Variants in JAZF1 observed in about 807,000 individuals in gnomAD.
JAZF1 encodes the protein JAZF zinc finger 1.
JAZF1 carries 8 observed loss-of-function variants against 26.4 expected under a neutral mutation model. That is an observed-to-expected ratio of 0.30 (90% CI 0.18 to 0.55). The LOEUF (loss-of-function observed/expected upper bound fraction) is 0.55. JAZF1 is among the 20% of genes least tolerant of loss of function. The probability of loss-of-function intolerance (pLI) is 0.94; values close to 1 mark genes in which losing one functional copy is unlikely to be tolerated. For missense variants in JAZF1, 199 were observed against 322.0 expected, an observed-to-expected ratio of 0.62 and a Z score of 2.92; for synonymous variants, 126 against 122.3, an observed-to-expected ratio of 1.03 and a Z score of -0.20.
In JAZF1 at chr7:28,120,501, C is replaced by CTTTTTTTTTTT. The variant is rs58448766; in HGVS notation, c.115+59951_115+59961dup. Among the ~76,000 whole-genome samples the CTTTTTTTTTTT allele has an allele frequency of 2.2e-4, 13 of 59,014 alleles. 2 individuals carry two copies. Among genetic ancestry groups the CTTTTTTTTTTT allele is most frequent in the South Asian group, 1.0e-3 (1 of 966 alleles). 38.7% of individuals were successfully genotyped at this position (59,014 alleles called of 152,430 possible). A position where few individuals can be genotyped will look rare whatever the true frequency, so the allele number is the denominator to read the frequency against. On this transcript the variant is annotated intron_variant, in intron 1 of 4. Transcript: ENST00000283928. ...TCTGAACCACTAGCCACACACAGTT[C>CTTTTTTTTTTT]TTTTTTTTTTTTTTTTTTTTTTTTT...
In JAZF1 at chr7:28,059,352, T is replaced by C. The variant is rs188799437; in HGVS notation, c.116-67371A>G. On this transcript the variant is annotated intron_variant, in intron 1 of 4. Coordinates refer to ENST00000283928, the MANE Select transcript of JAZF1 (RefSeq NM_175061.4). ...TCTTTGTCTCTTAACTGGAATAATT[T>C]GTCCAGTTGTATTTAATATAATTTA... 3.5e-4 allele frequency among the ~76,000 whole-genome samples: 53 copies of C among 152,324 alleles called. No individual in the cohort carries two copies. The East Asian group carries it at 8.5e-3, about 24-fold the overall frequency.
intron 1 of JAZF1, among the ~76,000 whole-genome samples, chr7:28,025,631 T>C (rs1783082304): frequency 6.6e-6 from 1 of 152,240 alleles, no homozygotes; most frequent in African/African-American, 2.4e-5. Flanking sequence ...AGAAGATTGG[T>C]CAAGAAACCA....
At chr7:28,075,634 T>C (rs2158622) in intron 1 of JAZF1, among the ~76,000 whole-genome samples, 138,967 of 152,244 alleles carry the variant, frequency 0.91, 63,673 homozygotes, top group African/African-American at 0.98. Context: ...TTACTTTACT[T>C]AACAACATAA....
chr7:28,001,447 ATACT>A (rs1475707976), intron 1 of JAZF1, among the ~76,000 whole-genome samples: 1 of 152,256 alleles, frequency 6.6e-6, no homozygotes, highest in Admixed American at 6.5e-5. Flanking sequence ...ATAGAGGAAT[ATACT>A]TACTACTCTA....
chr7:27,956,241 A>AT (rs1334767889), intron 2 of JAZF1, among the ~76,000 whole-genome samples: 22 of 152,108 alleles, frequency 1.4e-4, no homozygotes, highest in Admixed American at 1.4e-3. Context: ...GGCACCTGTG[A>AT]ATGTGCAGCT....
chr7:28,034,688 T>G (rs919078838), intron 1 of JAZF1, among the ~76,000 whole-genome samples: 1 of 152,134 alleles, frequency 6.6e-6, no homozygotes, highest in Non-Finnish European at 1.5e-5. Context: ...CATACCCAGG[T>G]GTATGGCCAA....
At chr7:27,872,780 T>G (rs1783605878) in intron 3 of JAZF1, among the ~76,000 whole-genome samples, 1 of 152,188 alleles carries the variant, frequency 6.6e-6, no homozygotes, top group Non-Finnish European at 1.5e-5. Context: ...GGCTTTCTTC[T>G]TCAGGCTGCT....
chr7:28,072,855 C>T (rs1248812714), intron 1 of JAZF1, among the ~76,000 whole-genome samples: 1 of 152,242 alleles, frequency 6.6e-6, no homozygotes, highest in East Asian at 1.9e-4. Context: ...CTTGCATACA[C>T]CTTTCAGATT....
At chr7:27,879,836 A>C (rs950775616) in intron 3 of JAZF1, among the ~76,000 whole-genome samples, 1 of 152,204 alleles carries the variant, frequency 6.6e-6, no homozygotes, top group Non-Finnish European at 1.5e-5. Context: ...CACTCAGAAC[A>C]CTACAGACAA....
chr7:27,842,294 C>A (rs917054974), intron 3 of JAZF1: 2 of 152,076 alleles, frequency 1.3e-5, no homozygotes, highest in African/African-American at 4.8e-5. Context: ...GCAACTGAGC[C>A]CTCGTGAGGT....
At chr7:28,155,796 C>T (rs977508498) in intron 1 of JAZF1, among the ~76,000 whole-genome samples, 2 of 152,184 alleles carry the variant, frequency 1.3e-5, no homozygotes, top group African/African-American at 2.4e-5. Flanking sequence ...TGTGTGCACG[C>T]GCACATGGGA....
intron 1 of JAZF1, among the ~76,000 whole-genome samples, chr7:28,109,307 C>T (rs555644238): frequency 6.6e-6 from 1 of 152,166 alleles, no homozygotes; most frequent in Non-Finnish European, 1.5e-5. Context: ...TATATCAAAA[C>T]ATCACATTGT....
At chr7:27,953,498 A>G (rs185023824) in intron 2 of JAZF1, among the ~76,000 whole-genome samples, 2 of 152,306 alleles carry the variant, frequency 1.3e-5, no homozygotes, top group East Asian at 1.9e-4. Flanking sequence ...AGCTTAATGC[A>G]AGCTCAGCTT....
At chr7:28,178,510 T>G (rs1783581339) in intron 1 of JAZF1, among the ~76,000 whole-genome samples, 1 of 152,186 alleles carries the variant, frequency 6.6e-6, no homozygotes, top group South Asian at 2.1e-4. Context: ...AATTATTTAT[T>G]TATATTACTT....
At chr7:28,063,853 G>T (rs1250922005) in intron 1 of JAZF1, among the ~76,000 whole-genome samples, 1 of 152,106 alleles carries the variant, frequency 6.6e-6, no homozygotes, top group Non-Finnish European at 1.5e-5. Context: ...ATTTGAGGTT[G>T]CCTGAATAAA....
At chr7:27,875,195 CTT>C (rs1783654987) in intron 3 of JAZF1, among the ~76,000 whole-genome samples, 1 of 152,178 alleles carries the variant, frequency 6.6e-6, no homozygotes. Flanking sequence ...GCCTGGGAGT[CTT>C]TCTCTCTCGC....
intron 2 of JAZF1, among the ~76,000 whole-genome samples, chr7:27,964,792 C>T (rs939993238): frequency 4.6e-5 from 7 of 151,864 alleles, no homozygotes; most frequent in African/African-American, 1.5e-4. Context: ...CAGATGCCAA[C>T]AATGGTAACT....
intron 3 of JAZF1, among the ~76,000 whole-genome samples, chr7:27,893,680 G>A (rs1402800664): frequency 6.6e-6 from 1 of 152,144 alleles, no homozygotes; most frequent in Non-Finnish European, 1.5e-5. Flanking sequence ...ATGATTACAG[G>A]GTTATATTTA....
At chr7:28,087,916 CT>C (rs1165997213) in intron 1 of JAZF1, among the ~76,000 whole-genome samples, 3 of 152,052 alleles carry the variant, frequency 2.0e-5, no homozygotes, top group Non-Finnish European at 2.9e-5. Context: ...CTCCTCTCCA[CT>C]TTTTTTTCCT....
Sources: allele counts gnomAD v4.1 joint callset (sites outside exome capture counted in the v4.1 genomes callset), GRCh38; gene constraint gnomAD v4.1.1; transcripts MANE v1.5; gene names NCBI Gene and HGNC (gene_info 2026-07-23, HGNC 2026-07-21).